CSMD1: variants seen among roughly 807,000 people sequenced by gnomAD.
CSMD1 encodes CUB and Sushi multiple domains 1.
A neutral mutation model predicts 417.5 loss-of-function variants in CSMD1; 213 were observed. That is an observed-to-expected ratio of 0.51 (90% CI 0.46 to 0.57). The LOEUF (loss-of-function observed/expected upper bound fraction) is 0.57, where lower values mean the gene tolerates loss of function less well. CSMD1 is among the 20% of genes least tolerant of loss of function. CSMD1 has a pLI of 0.00. For synonymous variants in CSMD1, 2,862 were observed against 1,736.8 expected (o/e 1.65, Z -16.11); for missense variants, 6,923 against 4,529.7 (o/e 1.53, Z -15.17).
chr8:3,703,301 A>T (rs185386639), intron 7 of CSMD1, among the ~76,000 whole-genome samples: 3 of 152,326 alleles, frequency 2.0e-5, no homozygotes, highest in East Asian at 3.9e-4. Flanking sequence ...GGAGGGTTGA[A>T]AGCAAGGCTG....
At chr8:4,729,549 G>C (rs1330468146) in intron 1 of CSMD1, among the ~76,000 whole-genome samples, 1 of 152,148 alleles carries the variant, frequency 6.6e-6, no homozygotes, top group African/African-American at 2.4e-5. Context: ...TGTTGAGAAT[G>C]ATGCATTAGG....
At chr8:3,764,905 C>T (rs7011939) in intron 5 of CSMD1, among the ~76,000 whole-genome samples, 7,693 of 151,932 alleles carry the variant, frequency 0.051, 241 homozygotes, top group Middle Eastern at 0.099. Context: ...GCCACCACAC[C>T]CAGCTCATTT....
intron 52 of CSMD1, among the ~76,000 whole-genome samples, chr8:3,003,554 T>C (rs1419804139): frequency 1.3e-5 from 2 of 152,236 alleles, no homozygotes; most frequent in African/African-American, 4.8e-5. Flanking sequence ...GTCACCTTCA[T>C]GTATTTGACA....
chr8:4,927,886 C>T (rs188820280), intron 1 of CSMD1, among the ~76,000 whole-genome samples: 1 of 152,136 alleles, frequency 6.6e-6, no homozygotes, highest in African/African-American at 2.4e-5. Flanking sequence ...CCCAAAGATC[C>T]CACCTTGTCA....
At position 3,998,010 on chromosome 8, in the gene CSMD1, G is replaced by A. The variant is rs909292364; in HGVS notation, c.711C>T (p.Thr237=). 33 of 1,609,300 alleles carry A rather than the reference G, an allele frequency of 2.1e-5. No individual in the cohort carries two copies. Among genetic ancestry groups the A allele is most frequent in the Non-Finnish European group, 2.8e-5 (33 of 1,177,670 alleles). Residue 237 remains threonine, a synonymous_variant, in exon 5 of 70, where the codon ACC becomes ACT. Transcript: ENST00000635120. The part of the protein sequence containing the change: ...EYENNADCTW[T]ILAEPGDTIA... ...TGGTGTCCCCGGGCTCAGCCAGAAT[G>A]GTCCAGGTGCAGTCCGCGTTGTTCT...
chr8:4,291,642 G>A (rs946487381), intron 3 of CSMD1, among the ~76,000 whole-genome samples: 7 of 152,124 alleles, frequency 4.6e-5, no homozygotes, highest in Middle Eastern at 3.4e-3. Flanking sequence ...AATTATAGCC[G>A]CAATATGGAG....
chr8:3,219,350 G>A lies in CSMD1; in HGVS notation c.4577C>T (p.Ala1526Val). The change falls in exon 29 of 70, where the codon GCC (alanine) becomes GTC (valine). Residue 1526 changes from alanine (A) to valine (V), a missense_variant. By Grantham distance (64) the Ala-to-Val change is moderately conservative. Coordinates refer to ENST00000635120, the MANE Select transcript of CSMD1 (RefSeq NM_033225.6). ...PLIGSYQGSQ[A>V]PERIESSGNS... The stretch of plus-strand genomic sequence containing the variant: ...TCCGCTACTCTCTATTCTTTCTGGG[G>A]CCTGAGAGCCCTGGTAACTCCCAAT... 1 of 1,575,282 alleles carries A rather than the reference G, an allele frequency of 6.3e-7. No homozygotes were observed. Among genetic ancestry groups the A allele is most frequent in the South Asian group, 1.2e-5 (1 of 85,956 alleles).
chr8:3,483,669 A>T (rs1817865830), intron 11 of CSMD1, among the ~76,000 whole-genome samples: 1 of 152,136 alleles, frequency 6.6e-6, no homozygotes, highest in South Asian at 2.1e-4. Context: ...AAGTCAGACA[A>T]AGGCAGTACA....
chr8:3,754,693 G>A lies in CSMD1; in HGVS notation c.819-651C>T, dbSNP rs550459860. Among the ~76,000 whole-genome samples the A allele has an allele frequency of 1.6e-4, 24 of 152,322 alleles. No individual in the cohort carries two copies. In the South Asian group the frequency reaches 4.6e-3, roughly 29 times the overall value. On this transcript the variant is annotated intron_variant, in intron 5 of 69. Coordinates refer to ENST00000635120, the MANE Select transcript of CSMD1 (RefSeq NM_033225.6). ...TGGTCTCGAACTTGTGACCTCAGGT[G>A]ATCTGCCTGCCTTGGCCTTCCAAAG... is the stretch of plus-strand genomic sequence containing the variant.
intron 12 of CSMD1, among the ~76,000 whole-genome samples, chr8:3,412,679 GAGTC>G (rs1437378692): frequency 6.6e-6 from 1 of 152,196 alleles, no homozygotes; most frequent in Non-Finnish European, 1.5e-5. Context: ...GATCCTTACA[GAGTC>G]AGCTCTACGA....
chr8:3,596,398 C>T (rs1403123135), intron 8 of CSMD1, among the ~76,000 whole-genome samples: 1 of 152,124 alleles, frequency 6.6e-6, no homozygotes, highest in Non-Finnish European at 1.5e-5. Flanking sequence ...TTTGGGGCCT[C>T]CACGATAAGT....
chr8:3,135,372 T>C (rs970732538), intron 41 of CSMD1, among the ~76,000 whole-genome samples: 1 of 152,232 alleles, frequency 6.6e-6, no homozygotes, highest in Non-Finnish European at 1.5e-5. Flanking sequence ...ATGTTGTTTT[T>C]CCAGGTACCT....
At chr8:3,136,591 C>T (rs192468897) in intron 41 of CSMD1, among the ~76,000 whole-genome samples, 2 of 151,978 alleles carry the variant, frequency 1.3e-5, no homozygotes, top group Admixed American at 6.6e-5. Context: ...CTGGTAGCGA[C>T]GGAAGAGATG....
intron 25 of CSMD1, among the ~76,000 whole-genome samples, chr8:3,289,641 T>C (rs1210327260): frequency 1.4e-5 from 2 of 145,442 alleles, no homozygotes; most frequent in Non-Finnish European, 2.9e-5. Context: ...GAAGTGTCTG[T>C]TCATATCCTT....
rs1157479482 is a variant in CSMD1, at chr8:4,201,540, C to CA, written c.416-169442dup. On this transcript the variant is annotated intron_variant, in intron 3 of 69. Transcript: ENST00000635120. Reference sequence around the variant, plus strand: ...GTAAGAGATCCAGACTCTGTCTCCACAAAAAAAAAAAAAAAAAAAAAAAAA... The same window carrying CA: ...GTAAGAGATCCAGACTCTGTCTCCACAAAAAAAAAAAAAAAAAAAAAAAAAA... Among the ~76,000 whole-genome samples the CA allele has an allele frequency of 6.6e-4, 39 of 59,048 alleles. 2 individuals carry two copies. Among genetic ancestry groups the CA allele is most frequent in the Non-Finnish European group, 9.5e-4 (34 of 35,746 alleles). 38.7% of individuals were successfully genotyped at this position (59,048 alleles called of 152,430 possible).
intron 5 of CSMD1, among the ~76,000 whole-genome samples, chr8:3,912,896 A>T (rs1197530939): frequency 6.6e-6 from 1 of 152,166 alleles, no homozygotes; most frequent in African/African-American, 2.4e-5. Context: ...AATGAAGATC[A>T]ATTAATCAGC....
chr8:4,726,141 C>T (rs1395043623), intron 1 of CSMD1, among the ~76,000 whole-genome samples: 1 of 152,026 alleles, frequency 6.6e-6, no homozygotes, highest in African/African-American at 2.4e-5. Context: ...CTGGGCGAGC[C>T]ATTTGCATCC....
chr8:4,886,952 G>C (rs982266202), intron 1 of CSMD1, among the ~76,000 whole-genome samples: 2 of 151,786 alleles, frequency 1.3e-5, no homozygotes, highest in Non-Finnish European at 2.9e-5. Context: ...CTCATTTTCT[G>C]TGTTTTCTAT....
chr8:3,742,790 C>T (rs775326338), intron 6 of CSMD1, among the ~76,000 whole-genome samples: 1 of 152,098 alleles, frequency 6.6e-6, no homozygotes, highest in Admixed American at 6.6e-5. Flanking sequence ...ACAACAGCAA[C>T]AACAAAAAAC....
Sources: gnomAD v4.1 joint callset for allele counts (sites outside exome capture counted in the v4.1 genomes callset) on GRCh38, gnomAD v4.1.1 for gene constraint, MANE v1.5 for transcripts, NCBI Gene and HGNC (gene_info 2026-07-23, HGNC 2026-07-21) for gene names.